Variants in VAV2 observed in about 807,000 individuals in gnomAD.
VAV2 encodes the protein guanine nucleotide exchange factor VAV2.
VAV2 carries 67 observed loss-of-function variants against 132.5 expected under a neutral mutation model. The observed-to-expected ratio is 0.51, with a 90% CI of 0.42 to 0.62. The LOEUF (loss-of-function observed/expected upper bound fraction) is 0.62, where lower values mean the gene tolerates loss of function less well. VAV2 is among the 20% of genes least tolerant of loss of function. The pLI is 0.00. For missense variants in VAV2, 938 were observed against 1,153.6 expected (o/e 0.81, Z 2.71); for synonymous variants, 492 against 443.5 (o/e 1.11, Z -1.37).
intron 2 of VAV2, among the ~76,000 whole-genome samples, chr9:133,871,756 A>G (rs930324954): frequency 3.3e-5 from 5 of 152,068 alleles, no homozygotes; most frequent in Non-Finnish European, 5.9e-5. Context: ...AAGTTCAGAG[A>G]GGTAACATGA....
At chr9:133,865,132 T>C (rs1837750288) in intron 2 of VAV2, among the ~76,000 whole-genome samples, 1 of 152,222 alleles carries the variant, frequency 6.6e-6, no homozygotes, top group Non-Finnish European at 1.5e-5. Context: ...ATTTTTACTT[T>C]ACTGCACCAA....
At position 133,834,458 on chromosome 9, in the gene VAV2, G is replaced by T; in HGVS notation, c.381-118C>A. ...CCCAGCCAGGAGCAAAGGGGCTCTT[G>T]TCCACTCTCTGGAAGGACACAGGGT... On this transcript the variant is annotated intron_variant, in intron 3 of 29. Transcript: ENST00000371850. This position sits in a 1 kb window ranked among gnomAD's most constrained non-coding sequence, Gnocchi z 5.9. The T allele has an allele frequency of 9.8e-7, 1 of 1,025,570 alleles. No homozygotes were observed. Among genetic ancestry groups the T allele is most frequent in the Non-Finnish European group, 1.4e-6 (1 of 697,156 alleles). The allele number at this position is 1,025,570 out of a possible 1,614,324, so 63.5% of individuals were successfully genotyped here.
At chr9:133,796,828 A>C (rs932080494) in intron 10 of VAV2, among the ~76,000 whole-genome samples, 5 of 151,436 alleles carry the variant, frequency 3.3e-5, no homozygotes, top group African/African-American at 1.2e-4. Context: ...TGTGGCCTTG[A>C]CTCTTCCGCC....
At chr9:133,982,827 C>G (rs1424266043) in intron 1 of VAV2, among the ~76,000 whole-genome samples, 1 of 152,206 alleles carries the variant, frequency 6.6e-6, no homozygotes, top group Non-Finnish European at 1.5e-5. Context: ...AAAATGATAA[C>G]ACATTTCAAA....
At chr9:133,785,565 G>C (rs1017505033) in intron 17 of VAV2, among the ~76,000 whole-genome samples, 20 of 152,182 alleles carry the variant, frequency 1.3e-4, no homozygotes, top group African/African-American at 4.3e-4. Flanking sequence ...CAGAGGGAGA[G>C]CCCTCTCACT....
At chr9:133,829,911 C>A (rs960839822) in intron 4 of VAV2, among the ~76,000 whole-genome samples, 1 of 152,206 alleles carries the variant, frequency 6.6e-6, no homozygotes, top group African/African-American at 2.4e-5. Flanking sequence ...CCCCATGGGG[C>A]CTGGGTCTTG....
At chr9:133,903,731 G>A (rs1037682512) in intron 2 of VAV2, among the ~76,000 whole-genome samples, 4 of 152,066 alleles carry the variant, frequency 2.6e-5, no homozygotes, top group Non-Finnish European at 4.4e-5. Flanking sequence ...GAAAAACAGC[G>A]TCAGAAAAAA....
chr9:133,774,931 T>C lies in VAV2; in HGVS notation c.2135+4A>G. 1 of 1,610,278 alleles carries C rather than the reference T, an allele frequency of 6.2e-7. No homozygotes were observed. Among genetic ancestry groups the C allele is most frequent in the Non-Finnish European group, 8.5e-7 (1 of 1,177,800 alleles). The stretch of plus-strand genomic sequence containing the variant: ...GTCTCCTCGAGCCCAGAGCCGCCAC[T>C]TACTTGATGCTTATTGCAAAGCGCT... On this transcript the variant is annotated splice_donor_region_variant and intron_variant, in intron 25 of 29. Coordinates refer to ENST00000371850, the MANE Select transcript of VAV2 (RefSeq NM_001134398.2).
intron 2 of VAV2, among the ~76,000 whole-genome samples, chr9:133,916,740 C>A (rs997160917): frequency 3.3e-5 from 5 of 152,168 alleles, no homozygotes; most frequent in Non-Finnish European, 7.3e-5. Context: ...GCAAAGGACA[C>A]CCCGGATGCC....
intron 7 of VAV2, 144 bp downstream of exon 7, chr9:133,808,896 A>C: frequency 2.8e-6 from 2 of 710,714 alleles, no homozygotes; most frequent in Non-Finnish European, 4.5e-6. Flanking sequence ...ACCTGGAGGC[A>C]GAGCTGGGAG....
chr9:133,835,222 A>G (rs1406700446), intron 3 of VAV2, among the ~76,000 whole-genome samples: 1 of 151,982 alleles, frequency 6.6e-6, no homozygotes, highest in African/African-American at 2.4e-5. Context: ...GGAGGGGTGG[A>G]AGGAAGCGCT....
At position 133,992,171 on chromosome 9, in the gene VAV2, C is replaced by T. The variant is rs1460838561; in HGVS notation, c.108G>A (p.Ala36=). The part of the protein sequence containing the change: ...PSAVVFDLAQ[A]LRDGVLLCQL... ...GGCACAGAAGGACCCCGTCGCGCAG[C>T]GCCTGCGCCAGGTCGAAGACCACGG... The change falls in exon 1 of 30, where the codon GCG becomes GCA. Residue 36 remains alanine, a synonymous_variant. Transcript: ENST00000371850. This position sits in a 1 kb window ranked among gnomAD's most constrained non-coding sequence, Gnocchi z 5.5. 6.3e-7 allele frequency: 1 copy of T among 1,599,384 alleles called. No individual in the cohort carries two copies. Among genetic ancestry groups the T allele is most frequent in the African/African-American group, 1.3e-5 (1 of 74,102 alleles).
intron 1 of VAV2, among the ~76,000 whole-genome samples, chr9:133,977,421 C>T (rs2132277883): frequency 6.6e-6 from 1 of 152,292 alleles, no homozygotes; most frequent in African/African-American, 2.4e-5. Context: ...GGATGCGGCG[C>T]TCATGAGCAT....
At chr9:133,893,853 GC>G (rs146252295) in intron 2 of VAV2, among the ~76,000 whole-genome samples, 4,963 of 152,258 alleles carry the variant, frequency 0.033, 266 homozygotes, top group African/African-American at 0.11. Context: ...CACAGCAGCG[GC>G]GAGAGTCGGG....
In VAV2 at chr9:133,845,303, G is replaced by A. The variant is rs78687659; in HGVS notation, c.381-10963C>T. 6.5e-3 allele frequency among the ~76,000 whole-genome samples: 988 copies of A among 152,342 alleles called. 7 individuals carry two copies. The highest frequency in any genetic ancestry group is 0.022 in the African/African-American group (928 of 41,580). On this transcript the variant is annotated intron_variant, in intron 3 of 29. Coordinates refer to ENST00000371850, the MANE Select transcript of VAV2 (RefSeq NM_001134398.2). ...GTCTGAGACCCAGGAGGAACAGCCC[G>A]CATGGCACGCCCAAGGCAACAAGTT...
intron 7 of VAV2, among the ~76,000 whole-genome samples, chr9:133,808,835 T>G (rs1178741146): frequency 6.6e-6 from 1 of 152,166 alleles, no homozygotes; most frequent in Non-Finnish European, 1.5e-5. Context: ...AGGCCGGGAC[T>G]TCAGGGGCTT....
At chr9:133,856,084 T>G (rs1279346051) in intron 3 of VAV2, among the ~76,000 whole-genome samples, 1 of 152,044 alleles carries the variant, frequency 6.6e-6, no homozygotes, top group African/African-American at 2.4e-5. Flanking sequence ...TCCATGGACA[T>G]GAAACATCCA....
chr9:133,907,335 C>T (rs1839695304), intron 2 of VAV2, among the ~76,000 whole-genome samples: 1 of 152,236 alleles, frequency 6.6e-6, no homozygotes, highest in African/African-American at 2.4e-5. Context: ...CACTGCTCCC[C>T]AAGGCCCCTC....
intron 2 of VAV2, among the ~76,000 whole-genome samples, chr9:133,872,328 C>T (rs780353553): frequency 6.6e-6 from 1 of 152,250 alleles, no homozygotes; most frequent in African/African-American, 2.4e-5. Flanking sequence ...TCCATGTTTC[C>T]ATGGCTGTGC....
Sources: allele counts gnomAD v4.1 joint callset (sites outside exome capture counted in the v4.1 genomes callset), GRCh38; gene constraint gnomAD v4.1.1; non-coding constraint Gnocchi (gnomAD v3.1); transcripts MANE v1.5; gene names NCBI Gene and HGNC (gene_info 2026-07-23, HGNC 2026-07-21).